The following AGAP1 variants were observed in gnomAD, a reference collection of about 807,000 sequenced individuals.
AGAP1 encodes the protein ArfGAP with GTPase domain, ankyrin repeat and PH domain 1, also known as arf-GAP with GTPase, ANK repeat and PH domain-containing protein 1.
In AGAP1, 29 loss-of-function variants were observed where a neutral mutation model predicts 105.3. That is an observed-to-expected ratio of 0.28 (90% CI 0.21 to 0.38). The LOEUF (loss-of-function observed/expected upper bound fraction) is 0.38. Among genes scored for constraint, AGAP1 ranks in the 10% least tolerant of loss-of-function variants. AGAP1 has a pLI of 1.00. For missense variants in AGAP1, 998 were observed against 1,165.1 expected (o/e 0.86, Z 2.09); for synonymous variants, 509 against 485.9 (o/e 1.05, Z -0.63).
intron 1 of AGAP1, among the ~76,000 whole-genome samples, chr2:235,543,587 C>T (rs573697610): frequency 1.3e-5 from 2 of 152,276 alleles, no homozygotes; most frequent in African/African-American, 4.8e-5. Context: ...TTTCCCCGGC[C>T]TCTCCCCAGC....
At chr2:235,671,037 T>A in intron 1 of AGAP1, 1 of 1,290,370 alleles carries the variant, frequency 7.7e-7, no homozygotes, top group Non-Finnish European at 9.8e-7. Flanking sequence ...GCCGAGAGCA[T>A]CGACGGCTCC....
chr2:235,670,516 C>A (rs916437232), intron 1 of AGAP1: 4 of 492,900 alleles, frequency 8.1e-6, no homozygotes, highest in Non-Finnish European at 1.1e-5. Flanking sequence ...CCGGCAGCCC[C>A]GACGTGGAGG....
At position 236,078,220 on chromosome 2, in the gene AGAP1, G is replaced by A. The variant is rs529763926; in HGVS notation, c.2114+28939G>A. ...ACATCTGAAGTGTGTAGTGCAGGCCGGCGTTCTGGAAACTCGGGCAGAAGT... is the reference window on the plus strand; with the variant it reads ...ACATCTGAAGTGTGTAGTGCAGGCCAGCGTTCTGGAAACTCGGGCAGAAGT... On this transcript the variant is annotated intron_variant, in intron 16 of 17. Transcript: ENST00000304032. This position sits in a 1 kb window ranked among gnomAD's most constrained non-coding sequence, Gnocchi z 5.3. 1.3e-5 allele frequency among the ~76,000 whole-genome samples: 2 copies of A among 151,892 alleles called. No homozygotes were observed. Among genetic ancestry groups the A allele is most frequent in the Non-Finnish European group, 2.9e-5 (2 of 67,980 alleles).
intron 3 of AGAP1, among the ~76,000 whole-genome samples, chr2:235,730,477 T>TAAAA (rs11388954): frequency 0.015 from 1,815 of 123,780 alleles, 50 homozygotes; most frequent in African/African-American, 0.054. Flanking sequence ...GTTTACCTTT[T>TAAAA]AAAAAAAAAA....
At chr2:235,765,267 C>T (rs1435163561) in intron 6 of AGAP1, among the ~76,000 whole-genome samples, 4 of 73,778 alleles carry the variant, frequency 5.4e-5, no homozygotes, top group Admixed American at 1.8e-4. Context: ...TGGGAGCGTC[C>T]GTGGGGGTGG....
intron 9 of AGAP1, among the ~76,000 whole-genome samples, chr2:235,851,458 C>T (rs776704557): frequency 5.3e-5 from 8 of 152,204 alleles, no homozygotes; most frequent in South Asian, 2.1e-4. Flanking sequence ...CACCATGTGC[C>T]GCAGGCGAGT....
intron 1 of AGAP1, chr2:235,670,538 G>A: frequency 4.1e-6 from 2 of 482,550 alleles, no homozygotes; most frequent in South Asian, 6.5e-5. Flanking sequence ...GGCCCGGGCC[G>A]CGCCCCTGCG....
In AGAP1 at chr2:235,584,201, T is replaced by TG. The variant is rs1041017322; in HGVS notation, c.163+89352_163+89353insG. Among the ~76,000 whole-genome samples, 4 of 151,458 alleles carry TG rather than the reference T, an allele frequency of 2.6e-5. No individual in the cohort carries two copies. The East Asian group carries it at 7.8e-4, about 29-fold the overall frequency. On this transcript the variant is annotated intron_variant, in intron 1 of 17. Coordinates refer to ENST00000304032, the MANE Select transcript of AGAP1 (RefSeq NM_001037131.3). ...TGACCCTCAATAAACCACTTTTTTT[T>TG]TTTTTTTTGCATGGAAATCTGTGAA...
intron 1 of AGAP1, among the ~76,000 whole-genome samples, chr2:235,672,173 G>A (rs1948471456): frequency 6.6e-6 from 1 of 152,322 alleles, no homozygotes; most frequent in East Asian, 1.9e-4. Flanking sequence ...CCTCTGGAGA[G>A]GGTATTCATC....
At chr2:235,528,409 T>C (rs1942927891) in intron 1 of AGAP1, among the ~76,000 whole-genome samples, 1 of 142,902 alleles carries the variant, frequency 7.0e-6, no homozygotes, top group South Asian at 2.6e-4. Context: ...TTCTTAGGCT[T>C]TATAAGGATA....
In AGAP1 at chr2:236,120,377, G is replaced by A; in HGVS notation, c.2300G>A (p.Gly767Glu). The A allele has an allele frequency of 6.2e-7, 1 of 1,611,620 alleles. No homozygotes were observed. Among genetic ancestry groups the A allele is most frequent in the Non-Finnish European group, 8.5e-7 (1 of 1,179,764 alleles). The change falls in exon 17 of 18, where the codon GGA (glycine) becomes GAA (glutamate). Residue 767 changes from glycine to glutamate, a missense_variant. Transcript: ENST00000304032. The surrounding 1 kb of genome is among the most constrained non-coding windows in gnomAD (Gnocchi z 6.0). ...RDEVNETCGE[G>E]DGRTALHLAC... ...GAGGTGAACGAGACCTGCGGGGAGG[G>A]AGACGGCCGCACGGCGCTGCATCTG...
At position 235,732,347 on chromosome 2, in the gene AGAP1, T is replaced by C. The variant is rs1375312158; in HGVS notation, c.311-8616T>C. Among the ~76,000 whole-genome samples, 3 of 152,326 alleles carry C rather than the reference T, an allele frequency of 2.0e-5. No individual in the cohort carries two copies. The East Asian group carries it at 5.8e-4, about 29-fold the overall frequency. The stretch of plus-strand genomic sequence containing the variant: ...TTTCAGCCTTGTCTCTTCTGCTCCT[T>C]ACTTTTTCTAATTTTATTCATCAGT... On this transcript the variant is annotated intron_variant, in intron 3 of 17. Coordinates refer to ENST00000304032, the MANE Select transcript of AGAP1 (RefSeq NM_001037131.3). The surrounding 1 kb of genome is among the most constrained non-coding windows in gnomAD (Gnocchi z 4.8).
rs1952543652 is a variant in AGAP1, at chr2:235,740,923, T to G, written c.311-40T>G. 1 of 1,612,920 alleles carries G rather than the reference T, an allele frequency of 6.2e-7. No individual in the cohort carries two copies. The highest frequency in any genetic ancestry group is 1.7e-5 in the Admixed American group (1 of 59,996). ...ACGTCTGTCTGCCCTCCTCACTCTC[T>G]GTTGTTCTCGTGTAACGAGATGTTT... is the stretch of plus-strand genomic sequence containing the variant. On this transcript the variant is annotated intron_variant, in intron 3 of 17. Transcript: ENST00000304032. The surrounding 1 kb of genome is among the most constrained non-coding windows in gnomAD (Gnocchi z 5.7).
chr2:235,814,055 G>A (rs752907107), intron 9 of AGAP1, among the ~76,000 whole-genome samples: 5 of 152,204 alleles, frequency 3.3e-5, no homozygotes, highest in Admixed American at 1.3e-4. Flanking sequence ...TCGACGCCCA[G>A]CCGCCTGTGT....
In AGAP1 at chr2:235,692,343, CT is replaced by C. The variant is rs1470026541; in HGVS notation, c.164-16835del. Among the ~76,000 whole-genome samples, 1 of 152,124 alleles carries C rather than the reference CT, an allele frequency of 6.6e-6. No homozygotes were observed. Among genetic ancestry groups the C allele is most frequent in the Non-Finnish European group, 1.5e-5 (1 of 68,026 alleles). Reference sequence around the variant, plus strand: ...AGTGGGGACCTTGCCTTCTCCAGCACTGGGCCGTCCACTTTGCTCCTTTGTG... The same window carrying C: ...AGTGGGGACCTTGCCTTCTCCAGCACGGGCCGTCCACTTTGCTCCTTTGTG... On this transcript the variant is annotated intron_variant, in intron 1 of 17. Coordinates refer to ENST00000304032, the MANE Select transcript of AGAP1 (RefSeq NM_001037131.3). This position sits in a 1 kb window ranked among gnomAD's most constrained non-coding sequence, Gnocchi z 5.8.
chr2:235,985,281 C>T lies in AGAP1; in HGVS notation c.1645+16658C>T, dbSNP rs1002402436. The stretch of plus-strand genomic sequence containing the variant: ...GAGAAATGTCTGTTCATATCCTTTG[C>T]CCACTTTTTGATGGGGTTGTTTGTT... On this transcript the variant is annotated intron_variant, in intron 13 of 17. Coordinates refer to ENST00000304032, the MANE Select transcript of AGAP1 (RefSeq NM_001037131.3). Among the ~76,000 whole-genome samples, 32 of 152,128 alleles carry T rather than the reference C, an allele frequency of 2.1e-4. 1 individual carries two copies. Among genetic ancestry groups the T allele is most frequent in the Admixed American group, 1.9e-3 (29 of 15,276 alleles).
Position 235,736,001 on chromosome 2 carries a change from G to T in AGAP1, c.311-4962G>T, listed in dbSNP as rs1489899292. On this transcript the variant is annotated intron_variant, in intron 3 of 17. Transcript: ENST00000304032. This position sits in a 1 kb window ranked among gnomAD's most constrained non-coding sequence, Gnocchi z 5.5. ...GCGGGTTCCGTTCTCACCTCCCTCT[G>T]CTCTAAGCTGAGGATTCCAGGTGAT... is the stretch of plus-strand genomic sequence containing the variant. Among the ~76,000 whole-genome samples, 1 of 152,002 alleles carries T rather than the reference G, an allele frequency of 6.6e-6. No individual in the cohort carries two copies. The highest frequency in any genetic ancestry group is 1.5e-5 in the Non-Finnish European group (1 of 68,002).
chr2:236,079,139 T>A (rs1466253545), intron 16 of AGAP1, among the ~76,000 whole-genome samples: 1 of 152,132 alleles, frequency 6.6e-6, no homozygotes, highest in African/African-American at 2.4e-5. Flanking sequence ...CTGCCTGCTA[T>A]GTGCCAGGCA....
intron 9 of AGAP1, among the ~76,000 whole-genome samples, chr2:235,847,199 CAG>C (rs1474564981): frequency 6.6e-6 from 1 of 152,162 alleles, no homozygotes; most frequent in African/African-American, 2.4e-5. Context: ...GTTTCATTAA[CAG>C]AATAGCAAAC....
Sources: gnomAD v4.1 joint callset for allele counts (sites outside exome capture counted in the v4.1 genomes callset) on GRCh38, gnomAD v4.1.1 for gene constraint, Gnocchi (gnomAD v3.1) non-coding constraint, MANE v1.5 for transcripts, NCBI Gene and HGNC (gene_info 2026-07-23, HGNC 2026-07-21) for gene names.